ERC2: variants seen among roughly 807,000 people sequenced by gnomAD.
The protein encoded by ERC2 is ERC protein 2.
In ERC2, 42 loss-of-function variants were observed where a neutral mutation model predicts 114.8. The observed-to-expected ratio is 0.37, with a 90% CI of 0.29 to 0.47. The LOEUF (loss-of-function observed/expected upper bound fraction) is 0.47. ERC2 is among the 20% of genes least tolerant of loss of function. The pLI, the probability that ERC2 is intolerant of heterozygous loss-of-function variation, is 0.99. For missense variants in ERC2, 939 were observed against 1,150.7 expected (o/e 0.82, Z 2.66); for synonymous variants, 454 against 425.5 (o/e 1.07, Z -0.82).
intron 17 of ERC2, among the ~76,000 whole-genome samples, chr3:55,578,987 G>C (rs1023031189): frequency 6.6e-6 from 1 of 152,180 alleles, no homozygotes; most frequent in African/African-American, 2.4e-5. Flanking sequence ...GAGCTCTTGA[G>C]GCTTAGGCTG....
At chr3:55,742,452 T>G (rs2066025654) in intron 14 of ERC2, among the ~76,000 whole-genome samples, 1 of 152,220 alleles carries the variant, frequency 6.6e-6, no homozygotes, top group Non-Finnish European at 1.5e-5. Context: ...TGGGTTCTTG[T>G]TTTAGTTAGC....
intron 7 of ERC2, among the ~76,000 whole-genome samples, chr3:56,058,736 C>G (rs886347263): frequency 6.6e-6 from 1 of 152,218 alleles, no homozygotes; most frequent in African/African-American, 2.4e-5. Flanking sequence ...CACTAGCAGA[C>G]AGCCTTGGAC....
At chr3:56,224,009 G>A (rs1351171136) in intron 3 of ERC2, among the ~76,000 whole-genome samples, 2 of 152,300 alleles carry the variant, frequency 1.3e-5, no homozygotes, top group East Asian at 1.9e-4. Flanking sequence ...TAAAGTTTGT[G>A]TATGTCCACC....
At chr3:56,027,609 G>A (rs1483317086) in intron 7 of ERC2, among the ~76,000 whole-genome samples, 3 of 152,130 alleles carry the variant, frequency 2.0e-5, no homozygotes, top group Non-Finnish European at 2.9e-5. Context: ...TTTACTGTCT[G>A]TAAGTCTCCT....
At chr3:55,911,601 T>C (rs1047029143) in intron 13 of ERC2, among the ~76,000 whole-genome samples, 2 of 152,234 alleles carry the variant, frequency 1.3e-5, no homozygotes, top group African/African-American at 2.4e-5. Context: ...TTAGATCCCA[T>C]ATTGCTTGGA....
At chr3:56,373,814 T>G (rs572264750) in intron 2 of ERC2, among the ~76,000 whole-genome samples, 1 of 152,350 alleles carries the variant, frequency 6.6e-6, no homozygotes, top group East Asian at 1.9e-4. Context: ...TTTATAAATT[T>G]TATTTATGGA....
At chr3:56,179,487 A>G (rs1311128316) in intron 3 of ERC2, among the ~76,000 whole-genome samples, 3 of 152,140 alleles carry the variant, frequency 2.0e-5, no homozygotes, top group African/African-American at 7.2e-5. Context: ...TGGTGGTGAT[A>G]AGGACAGACC....
At chr3:55,788,126 T>C (rs2069661409) in intron 14 of ERC2, among the ~76,000 whole-genome samples, 1 of 152,226 alleles carries the variant, frequency 6.6e-6, no homozygotes, top group Non-Finnish European at 1.5e-5. Flanking sequence ...TCATTCACCT[T>C]AATTACTGTT....
chr3:55,890,197 C>T (rs1576042618), intron 13 of ERC2, among the ~76,000 whole-genome samples: 6 of 152,186 alleles, frequency 3.9e-5, no homozygotes, highest in Admixed American at 3.9e-4. Context: ...TGACTAGAAG[C>T]CCAAAGCAAT....
chr3:56,272,402 A>C (rs2053712661), intron 3 of ERC2, among the ~76,000 whole-genome samples: 1 of 152,166 alleles, frequency 6.6e-6, no homozygotes, highest in Non-Finnish European at 1.5e-5. Context: ...TGAAACCACC[A>C]TTTTCCCATC....
chr3:55,786,601 T>G (rs1445794646), intron 14 of ERC2, among the ~76,000 whole-genome samples: 3 of 152,232 alleles, frequency 2.0e-5, no homozygotes, highest in Non-Finnish European at 1.5e-5. Context: ...CCTATTGTAC[T>G]GGGTACGTAC....
At chr3:56,313,784 A>G (rs894380224) in intron 2 of ERC2, among the ~76,000 whole-genome samples, 1 of 152,240 alleles carries the variant, frequency 6.6e-6, no homozygotes, top group African/African-American at 2.4e-5. Flanking sequence ...GCTGACCCTC[A>G]CCATCAGAAG....
chr3:56,068,147 G>A (rs1162062685), intron 7 of ERC2, among the ~76,000 whole-genome samples: 1 of 152,160 alleles, frequency 6.6e-6, no homozygotes, highest in Non-Finnish European at 1.5e-5. Context: ...GGTAGAATTT[G>A]GCTGTGAATC....
intron 17 of ERC2, among the ~76,000 whole-genome samples, chr3:55,525,661 G>A (rs541278709): frequency 6.6e-6 from 1 of 152,194 alleles, no homozygotes; most frequent in Non-Finnish European, 1.5e-5. Context: ...GAATGGGAAG[G>A]GGGGAGTAGC....
chr3:56,308,051 C>T (rs577965842), intron 2 of ERC2, among the ~76,000 whole-genome samples: 2 of 152,268 alleles, frequency 1.3e-5, no homozygotes, highest in Admixed American at 6.5e-5. Flanking sequence ...GTTTCCTTAA[C>T]CTTGGATTAC....
intron 3 of ERC2, among the ~76,000 whole-genome samples, chr3:56,244,176 G>A (rs1259264354): frequency 2.6e-5 from 4 of 152,112 alleles, no homozygotes; most frequent in Admixed American, 2.6e-4. Context: ...CTGTCACCGT[G>A]ACATCATCGC....
intron 16 of ERC2, among the ~76,000 whole-genome samples, chr3:55,693,676 A>C (rs1559508760): frequency 6.6e-6 from 1 of 152,106 alleles, no homozygotes; most frequent in Non-Finnish European, 1.5e-5. Context: ...GCTGGGGCAA[A>C]TGGAAAGAGA....
At chr3:56,080,571 T>G (rs1452412581) in intron 7 of ERC2, among the ~76,000 whole-genome samples, 3 of 152,210 alleles carry the variant, frequency 2.0e-5, no homozygotes, top group Non-Finnish European at 4.4e-5. Context: ...ATTCTCTCTA[T>G]GTTTAAGCTG....
chr3:55,831,467 G>A (rs1470579479), intron 14 of ERC2, among the ~76,000 whole-genome samples: 2 of 149,606 alleles, frequency 1.3e-5, no homozygotes, highest in Admixed American at 1.3e-4. Flanking sequence ...GGAAGGGCAG[G>A]AAATCCAAAT....
Sources: gnomAD v4.1 joint callset for allele counts (sites outside exome capture counted in the v4.1 genomes callset) on GRCh38, gnomAD v4.1.1 for gene constraint, MANE v1.5 for transcripts, NCBI Gene and HGNC (gene_info 2026-07-23, HGNC 2026-07-21) for gene names.